Variants in RPS6KA2 observed in about 807,000 individuals in gnomAD.
RPS6KA2 encodes ribosomal protein S6 kinase alpha-2.
A neutral mutation model predicts 91.8 loss-of-function variants in RPS6KA2; 42 were observed. That is an observed-to-expected ratio of 0.46 (90% CI 0.36 to 0.59). The LOEUF is 0.59. Ranked by LOEUF, RPS6KA2 falls within the 20% of genes least tolerant of loss-of-function variation. The pLI is 0.00. For missense variants in RPS6KA2, 798 were observed against 978.5 expected (o/e 0.82, Z 2.46); for synonymous variants, 414 against 393.6 (o/e 1.05, Z -0.61).
intron 2 of RPS6KA2, among the ~76,000 whole-genome samples, chr6:166,786,748 G>A (rs1339462804): frequency 6.6e-6 from 1 of 152,186 alleles, no homozygotes; most frequent in African/African-American, 2.4e-5. Context: ...ATTATGTCAT[G>A]ATAAATTTTT....
At chr6:166,775,186 A>AATGGCTTTG (rs551839042) in intron 2 of RPS6KA2, among the ~76,000 whole-genome samples, 2 of 152,042 alleles carry the variant, frequency 1.3e-5, no homozygotes. Context: ...TTGATTCTTA[A>AATGGCTTTG]ATGGCTTTGA....
Position 166,534,221 on chromosome 6 carries a change from C to CAAAAAAAAAAA in RPS6KA2, c.217-2919_217-2909dup, listed in dbSNP as rs34585369. The stretch of plus-strand genomic sequence containing the variant: ...TGGGCGAAACAGCGAGACTCTGTCT[C>CAAAAAAAAAAA]AAAAAAAAAAAAAAAAAAAAAAAAA... On this transcript the variant is annotated intron_variant, in intron 2 of 20. Transcript: ENST00000265678. 6.7e-4 allele frequency among the ~76,000 whole-genome samples: 40 copies of CAAAAAAAAAAA among 59,340 alleles called. 1 individual carries two copies. Among genetic ancestry groups the CAAAAAAAAAAA allele is most frequent in the African/African-American group, 2.5e-3 (38 of 14,964 alleles). The allele number at this position is 59,340 out of a possible 152,430, so 38.9% of individuals were successfully genotyped here.
chr6:166,649,522 G>T (rs374552270), intron 2 of RPS6KA2, among the ~76,000 whole-genome samples: 6 of 152,202 alleles, frequency 3.9e-5, no homozygotes, highest in African/African-American at 1.4e-4. Flanking sequence ...TAGATTTCCA[G>T]ATTTTTAGGG....
At chr6:166,705,677 C>A (rs1789661179) in intron 2 of RPS6KA2, among the ~76,000 whole-genome samples, 1 of 152,138 alleles carries the variant, frequency 6.6e-6, no homozygotes, top group Admixed American at 6.5e-5. Context: ...TAAAAAACAT[C>A]CTTATTGGCA....
At chr6:166,503,496 C>G (rs1452838046) in intron 6 of RPS6KA2, among the ~76,000 whole-genome samples, 2 of 152,218 alleles carry the variant, frequency 1.3e-5, no homozygotes, top group African/African-American at 2.4e-5. Context: ...AGGGCCCCCC[C>G]TTGGTCTTAG....
chr6:166,709,732 C>G (rs1789790516), intron 2 of RPS6KA2, among the ~76,000 whole-genome samples: 1 of 152,182 alleles, frequency 6.6e-6, no homozygotes, highest in South Asian at 2.1e-4. Context: ...CTTTCTGGCC[C>G]AGACATCCCC....
rs1054739246 is a variant in RPS6KA2, at chr6:166,557,913, G to C, written c.100-19129C>G. ...TTCTTCAGAAAAACAAAACCAGTAG[G>C]TGATATGTGTGTATGTGTGTGGGTG... On this transcript the variant is annotated intron_variant, in intron 1 of 20. Coordinates refer to ENST00000265678, the MANE Select transcript of RPS6KA2 (RefSeq NM_021135.6). The surrounding 1 kb of genome is among the most constrained non-coding windows in gnomAD (Gnocchi z 4.8). 1.3e-5 allele frequency among the ~76,000 whole-genome samples: 2 copies of C among 151,896 alleles called. No individual in the cohort carries two copies. Among genetic ancestry groups the C allele is most frequent in the African/African-American group, 2.4e-5 (1 of 41,350 alleles).
intron 1 of RPS6KA2, among the ~76,000 whole-genome samples, chr6:166,611,569 T>C (rs1231575508): frequency 6.6e-6 from 1 of 152,260 alleles, no homozygotes; most frequent in Non-Finnish European, 1.5e-5. Context: ...CCTTTATCTG[T>C]GTCAGAGAAA....
chr6:166,849,059 T>C lies in RPS6KA2; in HGVS notation c.123+9141A>G, dbSNP rs921771468. 1.3e-5 allele frequency among the ~76,000 whole-genome samples: 2 copies of C among 152,130 alleles called. No homozygotes were observed. Among genetic ancestry groups the C allele is most frequent in the African/African-American group, 4.8e-5 (2 of 41,420 alleles). ...CGAATCCTGACATCACACTCTTCTCTCCACATGCATCTCAGGCCAGCCTGG... is the reference window on the plus strand; with the variant it reads ...CGAATCCTGACATCACACTCTTCTCCCCACATGCATCTCAGGCCAGCCTGG... On this transcript the variant is annotated intron_variant, in intron 2 of 21. Transcript: ENST00000503859. The surrounding 1 kb of genome is among the most constrained non-coding windows in gnomAD (Gnocchi z 4.9).
At chr6:166,634,652 T>A (rs1289332224) in intron 2 of RPS6KA2, among the ~76,000 whole-genome samples, 1 of 152,196 alleles carries the variant, frequency 6.6e-6, no homozygotes. Context: ...TGAGGCAGAA[T>A]CTCACTCTGT....
chr6:166,478,656 C>T (rs958111265), intron 10 of RPS6KA2, among the ~76,000 whole-genome samples: 1 of 152,198 alleles, frequency 6.6e-6, no homozygotes, highest in Non-Finnish European at 1.5e-5. Flanking sequence ...CACCAGATAA[C>T]GTTCCTCTGT....
At chr6:166,566,137 C>A (rs149410245) in intron 1 of RPS6KA2, among the ~76,000 whole-genome samples, 1 of 152,296 alleles carries the variant, frequency 6.6e-6, no homozygotes, top group Non-Finnish European at 1.5e-5. Context: ...CTAGGGTGTA[C>A]AGAAAGGGAA....
intron 10 of RPS6KA2, among the ~76,000 whole-genome samples, chr6:166,472,959 G>C (rs1185904147): frequency 6.6e-6 from 1 of 152,158 alleles, no homozygotes; most frequent in Non-Finnish European, 1.5e-5. Flanking sequence ...AGGGCAAATA[G>C]GAGTTCAAGG....
intron 8 of RPS6KA2, among the ~76,000 whole-genome samples, chr6:166,491,602 G>A (rs1751827900): frequency 1.3e-5 from 2 of 152,142 alleles, no homozygotes; most frequent in South Asian, 2.1e-4. Flanking sequence ...TTTAAATTAC[G>A]GGGAAGCAGG....
intron 14 of RPS6KA2, among the ~76,000 whole-genome samples, chr6:166,438,871 G>A (rs1216242286): frequency 6.6e-6 from 1 of 152,196 alleles, no homozygotes; most frequent in Admixed American, 6.5e-5. Flanking sequence ...GAGCAGGTTT[G>A]TGTTCTCACC....
intron 1 of RPS6KA2, among the ~76,000 whole-genome samples, chr6:166,613,309 G>A (rs775117725): frequency 6.6e-6 from 1 of 152,244 alleles, no homozygotes; most frequent in Non-Finnish European, 1.5e-5. Context: ...CAGTGCTGCT[G>A]AAAGTCTTTA....
intron 9 of RPS6KA2, among the ~76,000 whole-genome samples, chr6:166,489,164 A>C (rs1781510047): frequency 6.6e-6 from 1 of 152,170 alleles, no homozygotes; most frequent in South Asian, 2.1e-4. Context: ...AATTTGTATA[A>C]TTTCCATTTC....
At chr6:166,769,579 A>T (rs1036922932) in intron 2 of RPS6KA2, among the ~76,000 whole-genome samples, 5 of 152,210 alleles carry the variant, frequency 3.3e-5, no homozygotes, top group African/African-American at 1.2e-4. Context: ...TCCATCAACC[A>T]TACAGTTCAA....
intron 13 of RPS6KA2, among the ~76,000 whole-genome samples, chr6:166,449,181 G>A (rs879651689): frequency 3.9e-5 from 6 of 152,272 alleles, no homozygotes; most frequent in East Asian, 1.9e-4. Flanking sequence ...TGCTGGGTGC[G>A]TGGCTCCAAT....
Sources: allele counts gnomAD v4.1 joint callset (sites outside exome capture counted in the v4.1 genomes callset), GRCh38; gene constraint gnomAD v4.1.1; non-coding constraint Gnocchi (gnomAD v3.1); transcripts MANE v1.5; gene names NCBI Gene and HGNC (gene_info 2026-07-23, HGNC 2026-07-21).